Variants in TBC1D9 observed in about 807,000 individuals in gnomAD.
The protein encoded by TBC1D9 is TBC1 domain family member 9A.
Under a neutral mutation model 132.0 loss-of-function variants are expected in TBC1D9, and 63 were observed. The ratio of observed to expected loss-of-function variants is 0.48; its 90% CI spans 0.39 to 0.59. The LOEUF is 0.59. TBC1D9 is among the 20% of genes least tolerant of loss of function. The probability of loss-of-function intolerance (pLI) is 0.00; values close to 1 mark genes in which losing one functional copy is unlikely to be tolerated. For synonymous variants in TBC1D9, 610 were observed against 609.9 expected, an observed-to-expected ratio of 1.00 and a Z score of 0.00; for missense variants, 1,261 against 1,592.7, an observed-to-expected ratio of 0.79 and a Z score of 3.54.
chr4:140,711,062 G>A (rs748893307), intron 1 of TBC1D9, among the ~76,000 whole-genome samples: 8 of 152,068 alleles, frequency 5.3e-5, no homozygotes, highest in East Asian at 1.9e-4. Flanking sequence ...GCTCTGATAC[G>A]GACCAGTGAG....
chr4:140,726,574 C>A (rs535816987), intron 1 of TBC1D9, among the ~76,000 whole-genome samples: 8 of 152,186 alleles, frequency 5.3e-5, no homozygotes, highest in African/African-American at 1.9e-4. Context: ...CAAGTATAAA[C>A]TTCTTATGTT....
At chr4:140,681,401 T>C (rs1172967998) in intron 3 of TBC1D9, among the ~76,000 whole-genome samples, 1 of 152,222 alleles carries the variant, frequency 6.6e-6, no homozygotes, top group East Asian at 1.9e-4. Flanking sequence ...TGCAGACCTT[T>C]CACCCTGTTG....
At chr4:140,639,924 T>A (rs894018203) in intron 13 of TBC1D9, among the ~76,000 whole-genome samples, 101 of 152,308 alleles carry the variant, frequency 6.6e-4, no homozygotes, top group Non-Finnish European at 1.3e-3. Context: ...CTCTTCAAGC[T>A]CCTTCGTACC....
chr4:140,711,009 G>A (rs923308), intron 1 of TBC1D9, among the ~76,000 whole-genome samples: 123,845 of 152,172 alleles, frequency 0.81, 51,114 homozygotes, highest in East Asian at 0.94. Context: ...CTTTCCCCAC[G>A]AACAAGCTTG....
chr4:140,722,136 G>A (rs1285542820), intron 1 of TBC1D9, among the ~76,000 whole-genome samples: 1 of 152,154 alleles, frequency 6.6e-6, no homozygotes, highest in Non-Finnish European at 1.5e-5. Flanking sequence ...TATGGGGGGT[G>A]AGAAAATGTT....
intron 1 of TBC1D9, among the ~76,000 whole-genome samples, chr4:140,746,746 G>A (rs1738842671): frequency 6.6e-6 from 1 of 152,130 alleles, no homozygotes; most frequent in African/African-American, 2.4e-5. Context: ...GAAACGGTAT[G>A]GGGGAAACCG....
chr4:140,708,376 T>C (rs543955339), intron 1 of TBC1D9, among the ~76,000 whole-genome samples: 2 of 152,298 alleles, frequency 1.3e-5, no homozygotes, highest in East Asian at 3.9e-4. Flanking sequence ...CAGAAGTAAT[T>C]TGTTACTTTT....
intron 1 of TBC1D9, among the ~76,000 whole-genome samples, chr4:140,717,662 G>A (rs961269702): frequency 6.6e-6 from 1 of 152,188 alleles, no homozygotes; most frequent in East Asian, 1.9e-4. Flanking sequence ...GAAGGCCGGG[G>A]CCTCTATGAA....
Position 140,690,410 on chromosome 4 carries a change from A to G in TBC1D9, c.242-3948T>C, listed in dbSNP as rs1011327823. Among the ~76,000 whole-genome samples the G allele has an allele frequency of 3.9e-5, 6 of 152,134 alleles. No homozygotes were observed. In the East Asian group the frequency reaches 9.7e-4, roughly 25 times the overall value. On this transcript the variant is annotated intron_variant, in intron 2 of 20. Transcript: ENST00000442267. The stretch of plus-strand genomic sequence containing the variant: ...CTGGCTCTTTTCTCTACTGCTCGCT[A>G]TGAGGTAGGTAATGCCTACATGTCT...
intron 1 of TBC1D9, among the ~76,000 whole-genome samples, chr4:140,752,852 C>T (rs539977957): frequency 6.6e-6 from 1 of 152,270 alleles, no homozygotes; most frequent in East Asian, 1.9e-4. Context: ...CTGATGACCA[C>T]ACTTTGAGAC....
chr4:140,681,261 C>T (rs542522213), intron 3 of TBC1D9, among the ~76,000 whole-genome samples: 58 of 152,292 alleles, frequency 3.8e-4, no homozygotes, highest in African/African-American at 1.3e-3. Context: ...TGTTCTGTTT[C>T]GTGAATCCTA....
intron 1 of TBC1D9, among the ~76,000 whole-genome samples, chr4:140,748,942 G>A (rs75710180): frequency 0.013 from 2,024 of 152,196 alleles, 16 homozygotes; most frequent in Non-Finnish European, 0.018. Context: ...CATGTCCTTG[G>A]GTTGAAAATA....
rs1296098674 is a variant in TBC1D9 at position 140,668,460 on chromosome 4, C to G, written c.1588+457G>C. On this transcript the variant is annotated intron_variant, in intron 9 of 20. Coordinates refer to ENST00000442267, the MANE Select transcript of TBC1D9 (RefSeq NM_015130.3). The stretch of plus-strand genomic sequence containing the variant: ...GATGACCAAAGACTTCAGGAGGTGG[C>G]AAAAATCAAACACCTGGGCCTTTTT... Among the ~76,000 whole-genome samples the G allele has an allele frequency of 2.0e-5, 3 of 152,240 alleles. No individual in the cohort carries two copies. The East Asian group carries it at 5.8e-4, about 29-fold the overall frequency.
At chr4:140,658,641 C>T (rs1737309186) in intron 11 of TBC1D9, among the ~76,000 whole-genome samples, 2 of 152,132 alleles carry the variant, frequency 1.3e-5, no homozygotes, top group South Asian at 4.2e-4. Context: ...GAAACCCTAT[C>T]TCTACTGAAA....
intron 13 of TBC1D9, chr4:140,643,338 G>T (rs1737041313): frequency 7.5e-7 from 1 of 1,339,146 alleles, no homozygotes; most frequent in Non-Finnish European, 1.0e-6. Flanking sequence ...CTTCTCCAAG[G>T]CCTGGACTCC....
intron 1 of TBC1D9, among the ~76,000 whole-genome samples, chr4:140,719,900 G>T (rs1258926532): frequency 2.6e-5 from 4 of 152,178 alleles, no homozygotes; most frequent in Non-Finnish European, 5.9e-5. Flanking sequence ...CACAGGCTTT[G>T]CATTAAGAAC....
In TBC1D9 at chr4:140,657,132, C is replaced by T. The variant is rs1032038923; in HGVS notation, c.2302G>A (p.Val768Ile). The change falls in exon 13 of 21, where the codon GTA becomes ATA. Residue 768 changes from valine (V) to isoleucine (I), a missense_variant. Transcript: ENST00000442267. ...GTTCTGATGAGTCTAAAGATGTCTACCTCAGGGTAAGGTTCCACATCATCG... is the reference window on the plus strand; with the variant it reads ...GTTCTGATGAGTCTAAAGATGTCTATCTCAGGGTAAGGTTCCACATCATCG... ...LSDDVEPYPE[V>I]DIFRLIRTSY... 1.9e-6 allele frequency: 3 copies of T among 1,613,860 alleles called. No individual in the cohort carries two copies. The highest frequency in any genetic ancestry group is 2.5e-6 in the Non-Finnish European group (3 of 1,179,814).
Position 140,737,293 on chromosome 4 carries a change from G to T in TBC1D9, c.130+18623C>A, listed in dbSNP as rs141099064. On this transcript the variant is annotated intron_variant, in intron 1 of 20. Coordinates refer to ENST00000442267, the MANE Select transcript of TBC1D9 (RefSeq NM_015130.3). ...CCCCTGAGCGGAAGATCTGCAGGAA[G>T]AGGGACAGCCAGGGCAACATCAGTT... is the stretch of plus-strand genomic sequence containing the variant. Among the ~76,000 whole-genome samples, 375 of 152,184 alleles carry T rather than the reference G, an allele frequency of 2.5e-3. 1 individual carries two copies. Among genetic ancestry groups the T allele is most frequent in the Middle Eastern group, 0.02 (6 of 294 alleles).
intron 13 of TBC1D9, among the ~76,000 whole-genome samples, chr4:140,650,903 C>A (rs946188508): frequency 6.6e-6 from 1 of 152,150 alleles, no homozygotes; most frequent in Admixed American, 6.5e-5. Flanking sequence ...GCTTTTGACA[C>A]CTGGACATTG....
Sources: allele counts gnomAD v4.1 joint callset (sites outside exome capture counted in the v4.1 genomes callset), GRCh38; gene constraint gnomAD v4.1.1; transcripts MANE v1.5; gene names NCBI Gene and HGNC (gene_info 2026-07-23, HGNC 2026-07-21).